NAALADL2: variants seen among roughly 807,000 people sequenced by gnomAD.
NAALADL2 encodes N-acetylated alpha-linked acidic dipeptidase like 2, also known as inactive N-acetylated-alpha-linked acidic dipeptidase-like protein 2.
NAALADL2 carries 76 observed loss-of-function variants against 87.2 expected under a neutral mutation model. The observed-to-expected ratio is 0.87, with a 90% CI of 0.72 to 1.05. The LOEUF (loss-of-function observed/expected upper bound fraction) is 1.05, where lower values mean the gene tolerates loss of function less well. NAALADL2 is among the 50% of genes least tolerant of loss of function. The pLI, the probability that NAALADL2 is intolerant of heterozygous loss-of-function variation, is 0.00. For missense variants in NAALADL2, 1,089 were observed against 945.8 expected (o/e 1.15, Z -1.99); for synonymous variants, 354 against 331.0 (o/e 1.07, Z -0.75).
chr3:175,414,200 C>T (rs1714156872), intron 5 of NAALADL2, among the ~76,000 whole-genome samples: 2 of 152,162 alleles, frequency 1.3e-5, no homozygotes, highest in South Asian at 2.1e-4. Flanking sequence ...GTTTGCCAAT[C>T]AGCCTGCTGA....
chr3:175,255,359 T>C (rs962395227), intron 3 of NAALADL2, among the ~76,000 whole-genome samples: 5 of 152,232 alleles, frequency 3.3e-5, no homozygotes, highest in Non-Finnish European at 7.3e-5. Flanking sequence ...GGAAGTATTA[T>C]GTATGAAACT....
Position 174,823,653 on chromosome 3 carries a change from A to G in NAALADL2, c.-9+85907A>G, listed in dbSNP as rs1560259867. 2.0e-5 allele frequency among the ~76,000 whole-genome samples: 3 copies of G among 152,306 alleles called. No individual in the cohort carries two copies. The South Asian group carries it at 6.2e-4, about 32-fold the overall frequency. ...TTATGCCCTTGCTCCTCTTTATTAT[A>G]AGGAAAGAAAACTTAATATTCTCTG... On this transcript the variant is annotated intron_variant, in intron 3 of 3. Coordinates refer to the NAALADL2 transcript ENST00000434257.
At chr3:175,273,072 T>C (rs1325645276) in intron 4 of NAALADL2, among the ~76,000 whole-genome samples, 2 of 152,130 alleles carry the variant, frequency 1.3e-5, no homozygotes, top group African/African-American at 4.8e-5. Context: ...AAATCAAGTT[T>C]ATGTAATTTT....
In NAALADL2 at chr3:175,258,321, C is replaced by A. The variant is rs369709903; in HGVS notation, c.939+1791C>A. ...CGAGACTCCGTCCCTCCGCCCCCAC[C>A]ACCAAAAAAAAAAAAAAAAAAAGAA... On this transcript the variant is annotated intron_variant, in intron 4 of 13. Coordinates refer to ENST00000454872, the MANE Select transcript of NAALADL2 (RefSeq NM_207015.3). Among the ~76,000 whole-genome samples, 256 of 108,212 alleles carry A rather than the reference C, an allele frequency of 2.4e-3. 1 individual carries two copies. Among genetic ancestry groups the A allele is most frequent in the African/African-American group, 0.01 (234 of 22,862 alleles). 71.0% of individuals were successfully genotyped at this position (108,212 alleles called of 152,430 possible).
chr3:175,623,671 C>T (rs13326021), intron 10 of NAALADL2, among the ~76,000 whole-genome samples: 4,566 of 152,006 alleles, frequency 0.03, 99 homozygotes, highest in African/African-American at 0.066. Context: ...AGAAGAGCTA[C>T]ACAGCTACAA....
At chr3:175,043,327 C>T (rs1007143336) in intron 1 of NAALADL2, among the ~76,000 whole-genome samples, 2 of 152,124 alleles carry the variant, frequency 1.3e-5, no homozygotes, top group Non-Finnish European at 2.9e-5. Flanking sequence ...CAACCTCTGC[C>T]TCCCGGTTTT....
intron 1 of NAALADL2, among the ~76,000 whole-genome samples, chr3:174,488,583 G>A (rs1438441905): frequency 6.6e-6 from 1 of 152,002 alleles, no homozygotes; most frequent in Non-Finnish European, 1.5e-5. Flanking sequence ...TTTTAACCAA[G>A]AAAGGAAGAC....
intron 3 of NAALADL2, among the ~76,000 whole-genome samples, chr3:174,760,931 T>C (rs996064240): frequency 6.6e-6 from 1 of 152,204 alleles, no homozygotes; most frequent in Non-Finnish European, 1.5e-5. Context: ...AAAGAAATTG[T>C]CTTTTTTGGG....
At chr3:174,837,398 A>T (rs1009052067) in intron 3 of NAALADL2, among the ~76,000 whole-genome samples, 15 of 152,218 alleles carry the variant, frequency 9.9e-5, no homozygotes, top group Non-Finnish European at 2.1e-4. Context: ...CCTAAAGGAG[A>T]TGGATACATT....
At position 174,946,836 on chromosome 3, in the gene NAALADL2, T is replaced by C. The variant is rs1050606385; in HGVS notation, c.43+87386T>C. 3.9e-5 allele frequency among the ~76,000 whole-genome samples: 6 copies of C among 152,194 alleles called. No individual in the cohort carries two copies. The South Asian group carries it at 1.0e-3, about 26-fold the overall frequency. ...ACAGTGAAAACTCTGCATACTCTCT[T>C]GCAATTCTTATATTCATTTATATTG... On this transcript the variant is annotated intron_variant, in intron 1 of 13. Coordinates refer to ENST00000454872, the MANE Select transcript of NAALADL2 (RefSeq NM_207015.3).
intron 10 of NAALADL2, among the ~76,000 whole-genome samples, chr3:175,607,207 A>AT (rs1723877150): frequency 6.9e-6 from 1 of 145,602 alleles, no homozygotes. Flanking sequence ...TTGTAAATAT[A>AT]ATATGCACAC....
intron 2 of NAALADL2, among the ~76,000 whole-genome samples, chr3:174,654,418 C>CA (rs1317812186): frequency 6.6e-6 from 1 of 152,016 alleles, no homozygotes; most frequent in African/African-American, 2.4e-5. Context: ...TGTCTGGTAG[C>CA]AAATTAGAAA....
At chr3:175,427,372 A>C (rs549670665) in intron 5 of NAALADL2, among the ~76,000 whole-genome samples, 3 of 152,220 alleles carry the variant, frequency 2.0e-5, no homozygotes, top group Non-Finnish European at 4.4e-5. Flanking sequence ...TGGAAATAGA[A>C]CATGAAAAAA....
intron 9 of NAALADL2, among the ~76,000 whole-genome samples, chr3:175,524,855 T>C (rs914253969): frequency 6.6e-6 from 1 of 152,162 alleles, no homozygotes; most frequent in African/African-American, 2.4e-5. Context: ...GTAGCTATCA[T>C]ATTAAAAGCA....
intron 4 of NAALADL2, among the ~76,000 whole-genome samples, chr3:175,323,001 A>G (rs1261257962): frequency 5.9e-5 from 9 of 151,836 alleles, no homozygotes; most frequent in South Asian, 2.1e-4. Flanking sequence ...TATACCCAAA[A>G]GACTATAAAT....
In NAALADL2 at chr3:174,892,391, G is replaced by T. The variant is rs146351692; in HGVS notation, c.43+32941G>T. Among the ~76,000 whole-genome samples, 670 of 152,132 alleles carry T rather than the reference G, an allele frequency of 4.4e-3. 5 individuals are homozygous for T. The highest frequency in any genetic ancestry group is 5.4e-3 in the Non-Finnish European group (369 of 67,982). On this transcript the variant is annotated intron_variant, in intron 1 of 13. Coordinates refer to ENST00000454872, the MANE Select transcript of NAALADL2 (RefSeq NM_207015.3). ...ACGAAGATATTGAAATAATTAAAAA[G>T]AATGAAGCAGCAATTCTGAACCAGT...
At chr3:175,558,329 A>T (rs1715696215) in intron 9 of NAALADL2, among the ~76,000 whole-genome samples, 1 of 151,930 alleles carries the variant, frequency 6.6e-6, no homozygotes. Context: ...TCTGGTTGTT[A>T]ATCCCTTGTC....
intron 1 of NAALADL2, among the ~76,000 whole-genome samples, chr3:175,023,608 A>C (rs1198059674): frequency 6.6e-6 from 1 of 152,116 alleles, no homozygotes; most frequent in African/African-American, 2.4e-5. Context: ...AAACCTTACC[A>C]TACAGAGATA....
intron 3 of NAALADL2, among the ~76,000 whole-genome samples, chr3:175,237,312 G>T (rs932252002): frequency 1.3e-5 from 2 of 151,982 alleles, no homozygotes; most frequent in African/African-American, 2.4e-5. Context: ...ATATATTCAG[G>T]CCTAAAGTAT....
Sources: gnomAD v4.1 joint callset for allele counts (sites outside exome capture counted in the v4.1 genomes callset) on GRCh38, gnomAD v4.1.1 for gene constraint, MANE v1.5 for transcripts, NCBI Gene and HGNC (gene_info 2026-07-23, HGNC 2026-07-21) for gene names.